The following TMEM217B variants were observed in gnomAD, a reference collection of about 807,000 sequenced individuals.
TMEM217B encodes the protein putative transmembrane protein 217B.
the TMEM217B span, among the ~76,000 whole-genome samples, chr6:37,235,041 CAG>C: frequency 6.6e-6 from 1 of 152,170 alleles, no homozygotes; most frequent in South Asian, 2.1e-4. Context: ...TTAAAAAACA[CAG>C]TATCTTCTTA....
At chr6:37,245,719 CAGGAGGAGGACGAGG>C in the TMEM217B span, among the ~76,000 whole-genome samples, 12 of 151,770 alleles carry the variant, frequency 7.9e-5, no homozygotes, top group East Asian at 1.9e-4. Context: ...GGAGGAAGAG[CAGGAGGAGGACGAGG>C]AGGAGGAGGA....
the TMEM217B span, among the ~76,000 whole-genome samples, chr6:37,228,996 C>CA: frequency 0.01 from 1,390 of 134,920 alleles, 18 homozygotes; most frequent in African/African-American, 0.019. Flanking sequence ...GACTCCGTCT[C>CA]AAAAAAAAAA....
At chr6:37,216,875 T>C in the TMEM217B span, among the ~76,000 whole-genome samples, 1 of 152,144 alleles carries the variant, frequency 6.6e-6, no homozygotes, top group Non-Finnish European at 1.5e-5. Context: ...GTAAGGACAG[T>C]GTTTGCACCA....
At chr6:37,243,458 C>A in the TMEM217B span, among the ~76,000 whole-genome samples, 1 of 152,192 alleles carries the variant, frequency 6.6e-6, no homozygotes, top group Non-Finnish European at 1.5e-5. Flanking sequence ...TTCCTGCCTG[C>A]TACACAGACA....
the TMEM217B span, among the ~76,000 whole-genome samples, chr6:37,252,470 T>C: frequency 2.0e-5 from 3 of 151,818 alleles, no homozygotes; most frequent in Non-Finnish European, 4.4e-5. Flanking sequence ...CATACATGTA[T>C]ACATACATAA....
chr6:37,212,581 A>T, the TMEM217B span: 1 of 470,702 alleles, frequency 2.1e-6, no homozygotes, highest in Non-Finnish European at 4.2e-6. Context: ...GTGCAGGAGC[A>T]TGTGTGAGAT....
At chr6:37,258,003 G>A in the TMEM217B span, 4 of 1,611,520 alleles carry the variant, frequency 2.5e-6, no homozygotes, top group African/African-American at 1.3e-5. Context: ...AGGGATAGGG[G>A]ATTGGACCAA....
the TMEM217B span, among the ~76,000 whole-genome samples, chr6:37,225,009 TAAA>T: frequency 7.6e-6 from 1 of 132,228 alleles, no homozygotes; most frequent in Non-Finnish European, 1.7e-5. Context: ...CCCATCTCTA[TAAA>T]AAAAAAAAAA....
At chr6:37,236,148 T>A in the TMEM217B span, among the ~76,000 whole-genome samples, 4 of 152,336 alleles carry the variant, frequency 2.6e-5, no homozygotes, top group South Asian at 8.3e-4. Context: ...TTATTTTTAA[T>A]TTAAAAACAA....
chr6:37,248,092 A>G, the TMEM217B span, among the ~76,000 whole-genome samples: 1 of 152,078 alleles, frequency 6.6e-6, no homozygotes, highest in African/African-American at 2.4e-5. Flanking sequence ...AATCACACTC[A>G]TCTTTCAAGG....
the TMEM217B span, among the ~76,000 whole-genome samples, chr6:37,241,249 T>TG: frequency 6.9e-6 from 1 of 145,364 alleles, no homozygotes; most frequent in East Asian, 2.0e-4. Flanking sequence ...ACCTGGTTAA[T>TG]TTTTTTTTTT....
chr6:37,257,189 C>T, the TMEM217B span, among the ~76,000 whole-genome samples: 2 of 152,176 alleles, frequency 1.3e-5, no homozygotes, highest in African/African-American at 4.8e-5. Flanking sequence ...GGGATTAGAT[C>T]ATTTGAATTT....
chr6:37,228,984 G>A, the TMEM217B span, among the ~76,000 whole-genome samples: 2 of 151,506 alleles, frequency 1.3e-5, no homozygotes, highest in African/African-American at 4.8e-5. Flanking sequence ...GTGACAGAGA[G>A]AGACTCCGTC....
the TMEM217B span, among the ~76,000 whole-genome samples, chr6:37,245,731 G>A: frequency 2.0e-5 from 3 of 151,864 alleles, no homozygotes; most frequent in East Asian, 3.9e-4. Flanking sequence ...GGAGGAGGAC[G>A]AGGAGGAGGA....
chr6:37,246,178 C>CT, the TMEM217B span, among the ~76,000 whole-genome samples: 2 of 152,154 alleles, frequency 1.3e-5, no homozygotes, highest in African/African-American at 4.8e-5. Flanking sequence ...TACTTCTCCT[C>CT]TAATTCTCTC....
chr6:37,217,652 C>T, the TMEM217B span: 1 of 985,228 alleles, frequency 1.0e-6, no homozygotes. Context: ...TGAATTTTCT[C>T]TATTTTTATT....
the TMEM217B span, chr6:37,218,520 T>C: frequency 1.9e-6 from 3 of 1,614,170 alleles, no homozygotes; most frequent in East Asian, 2.2e-5. Flanking sequence ...ATCTCCGCTG[T>C]AGAAATTCGT....
chr6:37,217,532 G>T, the TMEM217B span: 1 of 667,504 alleles, frequency 1.5e-6, no homozygotes, highest in Non-Finnish European at 1.9e-6. Flanking sequence ...GTACAGCACA[G>T]CAACAGATAC....
the TMEM217B span, among the ~76,000 whole-genome samples, chr6:37,240,717 A>G: frequency 6.6e-6 from 1 of 152,196 alleles, no homozygotes; most frequent in Non-Finnish European, 1.5e-5. Flanking sequence ...ATGTGTGTGT[A>G]TTTGAGAAAC....
Sources: allele counts gnomAD v4.1 joint callset (sites outside exome capture counted in the v4.1 genomes callset), GRCh38; gene constraint gnomAD v4.1.1; transcripts MANE v1.5; gene names NCBI Gene and HGNC (gene_info 2026-07-23, HGNC 2026-07-21).